The following TMIGD3 variants were observed in gnomAD, a reference collection of about 807,000 sequenced individuals.
The protein encoded by TMIGD3 is AD026 protein (AD026).
Under a neutral mutation model 28.1 loss-of-function variants are expected in TMIGD3, and 21 were observed. The ratio of observed to expected loss-of-function variants is 0.75; its 90% CI spans 0.53 to 1.08. TMIGD3 has a LOEUF of 1.08. TMIGD3 is among the 50% of genes least tolerant of loss of function. The probability of loss-of-function intolerance (pLI) is 0.00; values close to 1 mark genes in which losing one functional copy is unlikely to be tolerated. For synonymous variants in TMIGD3, 151 were observed against 162.1 expected (o/e 0.93, Z 0.52); for missense variants, 416 against 435.6 (o/e 0.96, Z 0.40).
At position 111,503,460 on chromosome 1, in the gene TMIGD3, G is replaced by A. The variant is rs1655361480; in HGVS notation, c.-106C>T. On this transcript the variant is annotated 5_prime_UTR_variant, in exon 1 of 6. Coordinates refer to ENST00000369716, the MANE Select transcript of TMIGD3 (RefSeq NM_020683.7). The stretch of plus-strand genomic sequence containing the variant: ...CAGACGTCTTCCCAGAGGTCCATGT[G>A]CAGTGACAGTCTAAAATTCCCAACT... The A allele has an allele frequency of 1.0e-5, 15 of 1,468,076 alleles. No homozygotes were observed. The South Asian group carries it at 2.1e-4, about 21-fold the overall frequency. 90.9% of individuals were successfully genotyped at this position (1,468,076 alleles called of 1,614,324 possible).
chr1:111,514,130 A>G (rs1655782590), intron 1 of TMIGD3, among the ~76,000 whole-genome samples: 1 of 152,202 alleles, frequency 6.6e-6, no homozygotes. Context: ...TTTTATAAAT[A>G]TCATTTAAGA....
chr1:111,527,770 A>G (rs1656319520), intron 1 of TMIGD3, among the ~76,000 whole-genome samples: 1 of 152,148 alleles, frequency 6.6e-6, no homozygotes. Flanking sequence ...TCATCTTTTC[A>G]TATGCTTATT....
At chr1:111,526,886 C>G (rs1177131570) in intron 1 of TMIGD3, among the ~76,000 whole-genome samples, 1 of 152,056 alleles carries the variant, frequency 6.6e-6, no homozygotes, top group Non-Finnish European at 1.5e-5. Context: ...CTTAGTTTTA[C>G]TGCTCTTTGC....
intron 1 of TMIGD3, among the ~76,000 whole-genome samples, chr1:111,539,400 C>T (rs185899589): frequency 1.3e-5 from 2 of 152,108 alleles, no homozygotes; most frequent in East Asian, 1.9e-4. Flanking sequence ...CGAGTTCAAG[C>T]GATTCTCTTG....
At chr1:111,500,891 C>G (rs1655140833) in intron 1 of TMIGD3, 1 of 426,890 alleles carries the variant, frequency 2.3e-6, no homozygotes, top group African/African-American at 2.0e-5. Context: ...TTACTGAGAG[C>G]TATACAACTG....
chr1:111,557,420 C>T (rs1657539946), intron 1 of TMIGD3, among the ~76,000 whole-genome samples: 1 of 151,754 alleles, frequency 6.6e-6, no homozygotes, highest in South Asian at 2.1e-4. Flanking sequence ...CATGGTGGGA[C>T]CCGCCTGTAG....
intron 1 of TMIGD3, among the ~76,000 whole-genome samples, chr1:111,537,507 A>G (rs551615954): frequency 1.5e-3 from 230 of 152,360 alleles, no homozygotes; most frequent in East Asian, 5.2e-3. Flanking sequence ...ATGTTCATAA[A>G]GCACTCTTTT....
chr1:111,518,364 T>C (rs1471773718), intron 1 of TMIGD3, among the ~76,000 whole-genome samples: 1 of 152,234 alleles, frequency 6.6e-6, no homozygotes, highest in Non-Finnish European at 1.5e-5. Flanking sequence ...CCTATTGACA[T>C]TGTGGACTGG....
intron 1 of TMIGD3, among the ~76,000 whole-genome samples, chr1:111,514,047 G>T (rs746779101): frequency 6.6e-6 from 1 of 152,106 alleles, no homozygotes; most frequent in African/African-American, 2.4e-5. Context: ...TCACAACCCC[G>T]TCCCTTCTTT....
rs1656860569 is a variant in TMIGD3 at position 111,542,253 on chromosome 1, T to C, written c.107+21593A>G. 1.3e-5 allele frequency: 8 copies of C among 611,146 alleles called. No homozygotes were observed. In the Admixed American group the frequency reaches 1.5e-4, roughly 12 times the overall value. The allele number at this position is 611,146 out of a possible 1,614,324, so 37.9% of individuals were successfully genotyped here. A position where few individuals can be genotyped will look rare whatever the true frequency, so the allele number is the denominator to read the frequency against. ...TACTGACGGAAACACTGGCGGCACA[T>C]ATTGAGGCCGTATTTCAGGATCAGA... On this transcript the variant is annotated intron_variant, in intron 1 of 5. Transcript: ENST00000369717.
intron 1 of TMIGD3, among the ~76,000 whole-genome samples, chr1:111,525,059 T>C (rs1389731110): frequency 6.6e-6 from 1 of 152,272 alleles, no homozygotes; most frequent in East Asian, 1.9e-4. Flanking sequence ...ACAGTTTGTA[T>C]GATCTAAATC....
At chr1:111,531,083 G>A (rs142455783) in intron 1 of TMIGD3, among the ~76,000 whole-genome samples, 2,609 of 152,296 alleles carry the variant, frequency 0.017, 71 homozygotes, top group African/African-American at 0.06. Flanking sequence ...CTCGAGACCA[G>A]CCTAGGCAAC....
rs1034306623 is a variant in TMIGD3 at position 111,503,490 on chromosome 1, C to A, written c.-136G>T. The stretch of plus-strand genomic sequence containing the variant: ...GACAGTCTAAAATTCCCAACTTGCT[C>A]ATTCCTACCCTTTTCTGGTGGGGTG... On this transcript the variant is annotated 5_prime_UTR_variant, in exon 1 of 6. It removes an upstream start codon present in the reference 5' UTR. Transcript: ENST00000369716. 1 of 1,448,436 alleles carries A rather than the reference C, an allele frequency of 6.9e-7. No homozygotes were observed. Among genetic ancestry groups the A allele is most frequent in the Non-Finnish European group, 9.1e-7 (1 of 1,101,104 alleles). 89.7% of individuals were successfully genotyped at this position (1,448,436 alleles called of 1,614,324 possible). A position where few individuals can be genotyped will look rare whatever the true frequency, so the allele number is the denominator to read the frequency against.
intron 1 of TMIGD3, among the ~76,000 whole-genome samples, chr1:111,523,374 C>T (rs1656145423): frequency 6.6e-6 from 1 of 152,158 alleles, no homozygotes; most frequent in African/African-American, 2.4e-5. Flanking sequence ...TATTGTTAGA[C>T]TCAACGTTGC....
intron 1 of TMIGD3, among the ~76,000 whole-genome samples, chr1:111,522,366 A>C (rs924827825): frequency 2.0e-5 from 3 of 152,236 alleles, no homozygotes; most frequent in African/African-American, 7.2e-5. Flanking sequence ...TTGCCAATTC[A>C]ACAACACATA....
Position 111,503,160 on chromosome 1 carries a change from G to C in TMIGD3, c.195C>G (p.Val65=). 1 of 1,614,234 alleles carries C rather than the reference G, an allele frequency of 6.2e-7. No homozygotes were observed. Among genetic ancestry groups the C allele is most frequent in the Non-Finnish European group, 8.5e-7 (1 of 1,180,036 alleles). ...GGCTGACAACAATGGCCAAAGGCAT[G>C]ACCAGCACCCCAACAGCAATGTCAG... ...ALADIAVGVL[V]MPLAIVVSLG... The change falls in exon 1 of 6, where the codon GTC becomes GTG. Residue 65 remains valine, a synonymous_variant. Coordinates refer to ENST00000369716, the MANE Select transcript of TMIGD3 (RefSeq NM_020683.7).
chr1:111,500,457 G>T, intron 1 of TMIGD3: 2 of 1,614,208 alleles, frequency 1.2e-6, no homozygotes, highest in Non-Finnish European at 1.7e-6. Context: ...TCAGTTTCAT[G>T]TTCCAGCCAA....
Position 111,532,949 on chromosome 1 carries a change from G to A in TMIGD3, c.107+30897C>T, listed in dbSNP as rs964290873. Among the ~76,000 whole-genome samples, 14 of 152,160 alleles carry A rather than the reference G, an allele frequency of 9.2e-5. No homozygotes were observed. The East Asian group carries it at 2.7e-3, about 29-fold the overall frequency. On this transcript the variant is annotated intron_variant, in intron 1 of 5. Coordinates refer to the TMIGD3 transcript ENST00000369717. ...TGTCCCACTAGTGTGGTTGCGGGTG[G>A]CCCTGTTTATCCACACTGCTCTGTA...
upstream of TMIGD3, among the ~76,000 whole-genome samples, chr1:111,507,039 G>GTGTGTGTA (rs1393977787): frequency 2.4e-5 from 3 of 126,138 alleles, no homozygotes; most frequent in African/African-American, 9.0e-5. Flanking sequence ...GTGTGTGTGT[G>GTGTGTGTA]TATATATATA....
Sources: gnomAD v4.1 joint callset for allele counts (sites outside exome capture counted in the v4.1 genomes callset) on GRCh38, gnomAD v4.1.1 for gene constraint, MANE v1.5 for transcripts, NCBI Gene and HGNC (gene_info 2026-07-23, HGNC 2026-07-21) for gene names.